The following NELL1 variants were observed in gnomAD, a reference collection of about 807,000 sequenced individuals.
NELL1 encodes protein kinase C-binding protein NELL1.
In NELL1, 76 loss-of-function variants were observed where a neutral mutation model predicts 107.4. The ratio of observed to expected loss-of-function variants is 0.71; its 90% CI spans 0.59 to 0.86. The LOEUF (loss-of-function observed/expected upper bound fraction) is 0.86. NELL1 is among the 40% of genes least tolerant of loss of function. The pLI is 0.00. For missense variants in NELL1, 1,024 were observed against 1,005.5 expected (o/e 1.02, Z -0.25); for synonymous variants, 353 against 341.2 (o/e 1.03, Z -0.38).
chr11:21,351,456 T>G (rs1364090969), intron 14 of NELL1, among the ~76,000 whole-genome samples: 1 of 151,864 alleles, frequency 6.6e-6, no homozygotes, highest in Non-Finnish European at 1.5e-5. Flanking sequence ...TTACCTGATT[T>G]ACTAATGGGA....
chr11:21,332,097 G>A (rs532026236), intron 14 of NELL1, among the ~76,000 whole-genome samples: 8 of 152,084 alleles, frequency 5.3e-5, no homozygotes, highest in Admixed American at 2.0e-4. Context: ...GTATTCAACT[G>A]GACTCTCAGC....
At chr11:21,249,984 T>A (rs1206635542) in intron 14 of NELL1, among the ~76,000 whole-genome samples, 1 of 152,224 alleles carries the variant, frequency 6.6e-6, no homozygotes, top group Non-Finnish European at 1.5e-5. Context: ...GTTAATATTC[T>A]TTGTTTTAAC....
intron 14 of NELL1, among the ~76,000 whole-genome samples, chr11:21,263,212 G>A (rs908868953): frequency 1.3e-5 from 2 of 151,840 alleles, no homozygotes; most frequent in Non-Finnish European, 2.9e-5. Context: ...CAAATTTGCT[G>A]TGGCTTTTGT....
chr11:21,347,908 G>T (rs76850141), intron 14 of NELL1, among the ~76,000 whole-genome samples: 1 of 152,072 alleles, frequency 6.6e-6, no homozygotes, highest in African/African-American at 2.4e-5. Flanking sequence ...GAAAAGGGGC[G>T]CATGTCTGAT....
intron 15 of NELL1, among the ~76,000 whole-genome samples, chr11:21,482,221 A>G (rs951710468): frequency 5.3e-5 from 8 of 152,224 alleles, no homozygotes; most frequent in Non-Finnish European, 8.8e-5. Context: ...GCAATTAAAC[A>G]CTTACTGCTC....
At chr11:21,530,599 T>C (rs1855969070) in intron 15 of NELL1, among the ~76,000 whole-genome samples, 1 of 152,100 alleles carries the variant, frequency 6.6e-6, no homozygotes, top group Non-Finnish European at 1.5e-5. Context: ...ATAATTATAA[T>C]CATGATTAAA....
At chr11:20,905,274 A>G (rs975549188) in intron 5 of NELL1, among the ~76,000 whole-genome samples, 6 of 152,164 alleles carry the variant, frequency 3.9e-5, no homozygotes, top group African/African-American at 1.4e-4. Flanking sequence ...ATAAAAAACA[A>G]AGAAAAACAA....
chr11:21,455,309 T>C (rs1204302797), intron 15 of NELL1, among the ~76,000 whole-genome samples: 5 of 135,776 alleles, frequency 3.7e-5, no homozygotes, highest in Admixed American at 2.6e-4. Flanking sequence ...TCCTTTTTTT[T>C]TTCTTTTATT....
At chr11:20,929,060 T>C (rs568607974) in intron 9 of NELL1, among the ~76,000 whole-genome samples, 1 of 152,328 alleles carries the variant, frequency 6.6e-6, no homozygotes. Context: ...GAGGTATTAT[T>C]ATTATCCCTA....
At chr11:21,550,680 G>C (rs1345301974) in intron 16 of NELL1, among the ~76,000 whole-genome samples, 2 of 152,042 alleles carry the variant, frequency 1.3e-5, no homozygotes, top group African/African-American at 2.4e-5. Context: ...TGAGGGCTCT[G>C]TTCTGTTCCA....
At chr11:20,715,423 C>T (rs1329904432) in intron 2 of NELL1, among the ~76,000 whole-genome samples, 1 of 151,728 alleles carries the variant, frequency 6.6e-6, no homozygotes, top group Admixed American at 6.6e-5. Flanking sequence ...AAATTGAGAC[C>T]CAGGAGGTTC....
chr11:21,306,235 C>A (rs1849601680), intron 14 of NELL1, among the ~76,000 whole-genome samples: 1 of 151,900 alleles, frequency 6.6e-6, no homozygotes, highest in Non-Finnish European at 1.5e-5. Flanking sequence ...TATACTGAAA[C>A]AATTAATCAA....
chr11:21,380,011 C>T (rs1300446648), intron 15 of NELL1, among the ~76,000 whole-genome samples: 3 of 152,048 alleles, frequency 2.0e-5, no homozygotes, highest in Admixed American at 6.6e-5. Flanking sequence ...ATTTCCTCTC[C>T]AGTTATCACA....
chr11:20,853,418 A>G (rs997943628), intron 4 of NELL1, among the ~76,000 whole-genome samples: 26 of 152,332 alleles, frequency 1.7e-4, no homozygotes, highest in African/African-American at 6.3e-4. Context: ...CAAGAAATCT[A>G]TGTCTAATTT....
chr11:21,254,785 A>G (rs964786931), intron 14 of NELL1, among the ~76,000 whole-genome samples: 3 of 152,072 alleles, frequency 2.0e-5, no homozygotes, highest in Non-Finnish European at 4.4e-5. Context: ...TTCTTTTCAC[A>G]GTACATTTCA....
At chr11:21,537,318 T>A (rs911490850) in intron 16 of NELL1, among the ~76,000 whole-genome samples, 1 of 152,150 alleles carries the variant, frequency 6.6e-6, no homozygotes, top group African/African-American at 2.4e-5. Context: ...TGGTTTTAGA[T>A]GATATTGTTC....
Position 21,428,445 on chromosome 11 carries a change from T to A in NELL1, c.1645+57497T>A, listed in dbSNP as rs142985785. Among the ~76,000 whole-genome samples the A allele has an allele frequency of 1.3e-3, 201 of 152,336 alleles. 1 individual carries two copies. The highest frequency in any genetic ancestry group is 6.8e-3 in the Middle Eastern group (2 of 294). ...GTCGATAAAGTTATTATTGTTACTTTTATTTGAGTAAAAGGTTTGGATTTG... is the reference window on the plus strand; with the variant it reads ...GTCGATAAAGTTATTATTGTTACTTATATTTGAGTAAAAGGTTTGGATTTG... On this transcript the variant is annotated intron_variant, in intron 15 of 19. Coordinates refer to ENST00000357134, the MANE Select transcript of NELL1 (RefSeq NM_006157.5).
intron 2 of NELL1, among the ~76,000 whole-genome samples, chr11:20,698,693 A>T (rs1030170156): frequency 4.6e-5 from 7 of 152,150 alleles, no homozygotes; most frequent in African/African-American, 1.7e-4. Flanking sequence ...TTTTGGTTAC[A>T]TGGATAAGTT....
chr11:21,031,677 T>A (rs1184522580), intron 12 of NELL1, among the ~76,000 whole-genome samples: 3 of 145,656 alleles, frequency 2.1e-5, no homozygotes, highest in Non-Finnish European at 3.1e-5. Flanking sequence ...TGTAGCAGAT[T>A]TTTTTTTAAG....
Sources: gnomAD v4.1 joint callset for allele counts (sites outside exome capture counted in the v4.1 genomes callset) on GRCh38, gnomAD v4.1.1 for gene constraint, MANE v1.5 for transcripts, NCBI Gene and HGNC (gene_info 2026-07-23, HGNC 2026-07-21) for gene names.